MSRB3: variants seen among roughly 807,000 people sequenced by gnomAD.
MSRB3 encodes methionine sulfoxide reductase B3, also known as methionine-R-sulfoxide reductase B3.
In MSRB3, 13 loss-of-function variants were observed where a neutral mutation model predicts 21.0. The ratio of observed to expected loss-of-function variants is 0.62; its 90% CI spans 0.40 to 0.98. The LOEUF (loss-of-function observed/expected upper bound fraction) is 0.98, where lower values mean the gene tolerates loss of function less well. Among genes scored for constraint, MSRB3 ranks in the 50% least tolerant of loss-of-function variants. The pLI, the probability that MSRB3 is intolerant of heterozygous loss-of-function variation, is 0.00. For synonymous variants in MSRB3, 87 were observed against 88.6 expected, an observed-to-expected ratio of 0.98 and a Z score of 0.10; for missense variants, 199 against 230.3, an observed-to-expected ratio of 0.86 and a Z score of 0.88.
At chr12:65,320,198 A>G (rs1874571912) in intron 2 of MSRB3, among the ~76,000 whole-genome samples, 1 of 152,300 alleles carries the variant, frequency 6.6e-6, no homozygotes. Flanking sequence ...ACATATAAAG[A>G]TATGATTTTT....
intron 2 of MSRB3, among the ~76,000 whole-genome samples, chr12:65,311,961 T>C (rs1365758272): frequency 6.6e-6 from 1 of 152,034 alleles, no homozygotes; most frequent in East Asian, 1.9e-4. Flanking sequence ...GCATCTGAGT[T>C]ATGGTTCACT....
intron 5 of MSRB3, among the ~76,000 whole-genome samples, chr12:65,392,651 A>G (rs1357813691): frequency 6.6e-6 from 1 of 152,166 alleles, no homozygotes; most frequent in African/African-American, 2.4e-5. Context: ...AGTCAGACTC[A>G]CTTTCTAAGA....
At chr12:65,359,401 C>T (rs1877576606) in intron 4 of MSRB3, among the ~76,000 whole-genome samples, 2 of 151,892 alleles carry the variant, frequency 1.3e-5, no homozygotes, top group South Asian at 2.1e-4. Flanking sequence ...CTGATTACAA[C>T]CTAAGGCAGA....
intron 2 of MSRB3, among the ~76,000 whole-genome samples, chr12:65,315,202 T>C (rs890421556): frequency 1.6e-4 from 24 of 152,256 alleles, no homozygotes; most frequent in Non-Finnish European, 2.2e-4. Flanking sequence ...TGTATTAAGA[T>C]GCAACGATAA....
chr12:65,332,166 A>T (rs932442763), intron 4 of MSRB3, among the ~76,000 whole-genome samples: 1 of 152,186 alleles, frequency 6.6e-6, no homozygotes, highest in African/African-American at 2.4e-5. Context: ...TAATATCAAA[A>T]TTCTTTTAGG....
At chr12:65,409,359 T>C (rs569769766) in intron 5 of MSRB3, among the ~76,000 whole-genome samples, 1 of 152,226 alleles carries the variant, frequency 6.6e-6, no homozygotes, top group Admixed American at 6.5e-5. Flanking sequence ...TATAGTCTAT[T>C]GCTCCTAGGC....
chr12:65,348,750 G>A (rs1457055374), intron 4 of MSRB3, among the ~76,000 whole-genome samples: 1 of 151,902 alleles, frequency 6.6e-6, no homozygotes, highest in South Asian at 2.1e-4. Flanking sequence ...CCCTACACAC[G>A]GCTTTCGATG....
chr12:65,341,355 A>G (rs1876127013), intron 4 of MSRB3, among the ~76,000 whole-genome samples: 1 of 149,960 alleles, frequency 6.7e-6, no homozygotes, highest in African/African-American at 2.5e-5. Context: ...TAAAAATTAA[A>G]ACAGTTGAAC....
chr12:65,360,892 C>T (rs931770017), intron 4 of MSRB3, among the ~76,000 whole-genome samples: 4 of 152,088 alleles, frequency 2.6e-5, no homozygotes, highest in Non-Finnish European at 4.4e-5. Flanking sequence ...TTCCATATTG[C>T]ATAATTAGGT....
chr12:65,345,156 A>G (rs1255570743), intron 4 of MSRB3, among the ~76,000 whole-genome samples: 1 of 152,088 alleles, frequency 6.6e-6, no homozygotes, highest in Admixed American at 6.6e-5. Flanking sequence ...GGAAAGGAAG[A>G]TGATGAATTC....
intron 1 of MSRB3, chr12:65,286,668 C>T (rs1048515680): frequency 6.6e-6 from 1 of 150,428 alleles, no homozygotes; most frequent in Admixed American, 6.6e-5. Flanking sequence ...ATATGTAAGA[C>T]TTAAGGCATT....
At chr12:65,438,412 G>A (rs1882218189) in intron 5 of MSRB3, among the ~76,000 whole-genome samples, 2 of 151,794 alleles carry the variant, frequency 1.3e-5, no homozygotes, top group Non-Finnish European at 2.9e-5. Context: ...TTTTTTGGGG[G>A]ACCTATAGAG....
intron 5 of MSRB3, among the ~76,000 whole-genome samples, chr12:65,420,960 A>G (rs1220019465): frequency 6.6e-6 from 1 of 152,170 alleles, no homozygotes; most frequent in Admixed American, 6.5e-5. Context: ...TGGTGGAATG[A>G]TTTATATTCC....
chr12:65,447,674 G>A (rs892774896), intron 5 of MSRB3, among the ~76,000 whole-genome samples: 13 of 152,116 alleles, frequency 8.5e-5, no homozygotes, highest in African/African-American at 3.1e-4. Flanking sequence ...AGTACTAGGA[G>A]GCATAAGAGT....
chr12:65,343,235 G>A (rs577768963), intron 4 of MSRB3, among the ~76,000 whole-genome samples: 87 of 152,152 alleles, frequency 5.7e-4, no homozygotes, highest in African/African-American at 2.0e-3. Flanking sequence ...CACATTCGTG[G>A]TAGATACTTT....
At chr12:65,346,466 T>C (rs1480011626) in intron 4 of MSRB3, among the ~76,000 whole-genome samples, 1 of 152,200 alleles carries the variant, frequency 6.6e-6, no homozygotes, top group African/African-American at 2.4e-5. Flanking sequence ...TTTGAGTTCA[T>C]TGTAGTTTCT....
At chr12:65,361,074 TA>T (rs960048824) in intron 4 of MSRB3, among the ~76,000 whole-genome samples, 8 of 152,260 alleles carry the variant, frequency 5.3e-5, no homozygotes, top group East Asian at 1.9e-4. Flanking sequence ...AATATAGTGC[TA>T]TTTTTTTTTA....
In MSRB3 at chr12:65,278,875, G is replaced by T; in HGVS notation, c.-52+10G>T. 1.3e-6 allele frequency: 2 copies of T among 1,553,652 alleles called. No individual in the cohort carries two copies. Among genetic ancestry groups the T allele is most frequent in the Non-Finnish European group, 1.7e-6 (2 of 1,148,232 alleles). On this transcript the variant is annotated intron_variant, in intron 1 of 6. Coordinates refer to ENST00000308259, the MANE Select transcript of MSRB3 (RefSeq NM_001031679.3). ...GGAAGTGCGCAGTCCGGTAAGTTCG[G>T]GCTCCCCTCCCCTCTCCTCCTCGCC...
chr12:65,384,231 T>C (rs1432921313), intron 5 of MSRB3, among the ~76,000 whole-genome samples: 2 of 152,204 alleles, frequency 1.3e-5, no homozygotes, highest in Non-Finnish European at 2.9e-5. Flanking sequence ...TTCTTACTGG[T>C]AGATTTAATA....
Sources: allele counts gnomAD v4.1 joint callset (sites outside exome capture counted in the v4.1 genomes callset), GRCh38; gene constraint gnomAD v4.1.1; transcripts MANE v1.5; gene names NCBI Gene and HGNC (gene_info 2026-07-23, HGNC 2026-07-21).